Variants in IQGAP2 observed in about 807,000 individuals in gnomAD.
The protein encoded by IQGAP2 is ras GTPase-activating-like protein IQGAP2.
In IQGAP2, 173 loss-of-function variants were observed where a neutral mutation model predicts 201.3. That is an observed-to-expected ratio of 0.86 (90% CI 0.76 to 0.98). The LOEUF is 0.98. Among genes scored for constraint, IQGAP2 ranks in the 50% least tolerant of loss-of-function variants. IQGAP2 has a pLI of 0.00. For synonymous variants in IQGAP2, 675 were observed against 673.9 expected, an observed-to-expected ratio of 1.00 and a Z score of -0.03; for missense variants, 1,687 against 1,864.8, an observed-to-expected ratio of 0.90 and a Z score of 1.76.
chr5:76,665,993 C>T (rs1187493925), intron 22 of IQGAP2, among the ~76,000 whole-genome samples: 1 of 152,222 alleles, frequency 6.6e-6, no homozygotes, highest in Non-Finnish European at 1.5e-5. Context: ...TGCTGGGATT[C>T]CTTCAAAGCC....
chr5:76,532,199 T>A (rs1379659301), intron 2 of IQGAP2, among the ~76,000 whole-genome samples: 2 of 152,240 alleles, frequency 1.3e-5, no homozygotes, highest in Non-Finnish European at 2.9e-5. Flanking sequence ...GTTCATGAAG[T>A]ATGTTTCCTA....
chr5:76,672,121 A>G, intron 24 of IQGAP2, 138 bp downstream of exon 24: 1 of 649,514 alleles, frequency 1.5e-6, no homozygotes, highest in South Asian at 2.0e-5. Context: ...TCCCTTTAAC[A>G]TATCCATGCA....
At chr5:76,641,202 C>A in intron 17 of IQGAP2, 99 bp downstream of exon 17, 3 of 884,286 alleles carry the variant, frequency 3.4e-6, no homozygotes, top group East Asian at 2.6e-5. Flanking sequence ...TTCCTATAAA[C>A]AAATCTGACT....
In IQGAP2 at chr5:76,403,506, C is replaced by CG; in HGVS notation, c.-34dup. ...CGAGCCTGGCCAGCGAGGGTAGCCG[C>CG]GGGGGGCGCGCCCCGGGCGGGCCCC... is the stretch of plus-strand genomic sequence containing the variant. On this transcript the variant is annotated 5_prime_UTR_variant, in exon 1 of 36. Coordinates refer to ENST00000274364, the MANE Select transcript of IQGAP2 (RefSeq NM_006633.5). This position sits in a 1 kb window ranked among gnomAD's most constrained non-coding sequence, Gnocchi z 4.8. 7.0e-6 allele frequency: 10 copies of CG among 1,437,396 alleles called. No homozygotes were observed. The highest frequency in any genetic ancestry group is 2.5e-4 in the Middle Eastern group (1 of 4,008). 89.0% of individuals were successfully genotyped at this position (1,437,396 alleles called of 1,614,324 possible). A position where few individuals can be genotyped will look rare whatever the true frequency, so the allele number is the denominator to read the frequency against.
At chr5:76,499,886 G>A (rs1172275357) in intron 2 of IQGAP2, among the ~76,000 whole-genome samples, 1 of 152,094 alleles carries the variant, frequency 6.6e-6, no homozygotes, top group African/African-American at 2.4e-5. Context: ...CAAGAGGATT[G>A]CTTGAGCCCA....
chr5:76,706,338 G>A (rs1369685243), intron 35 of IQGAP2, among the ~76,000 whole-genome samples: 1 of 151,710 alleles, frequency 6.6e-6, no homozygotes, highest in Non-Finnish European at 1.5e-5. Context: ...TTTTGTTTTT[G>A]TTTTTGTTTT....
At chr5:76,605,229 TTTTCCC>T in intron 11 of IQGAP2, among the ~76,000 whole-genome samples, 1 of 152,174 alleles carries the variant, frequency 6.6e-6, no homozygotes, top group South Asian at 2.1e-4. Context: ...ATGAGTAAGT[TTTTCCC>T]TGAAATTTCC....
chr5:76,564,519 G>A (rs1378923991), intron 3 of IQGAP2, among the ~76,000 whole-genome samples: 3 of 152,158 alleles, frequency 2.0e-5, no homozygotes, highest in African/African-American at 4.8e-5. Context: ...TTCTCTTCCT[G>A]GAATGTTGTA....
intron 1 of IQGAP2, among the ~76,000 whole-genome samples, chr5:76,443,196 A>G (rs1319220942): frequency 6.6e-6 from 1 of 152,220 alleles, no homozygotes; most frequent in East Asian, 1.9e-4. Flanking sequence ...CGGAAAATAT[A>G]TACAAATAGT....
intron 21 of IQGAP2, among the ~76,000 whole-genome samples, chr5:76,663,482 G>A (rs1039749727): frequency 8.0e-5 from 12 of 149,514 alleles, no homozygotes; most frequent in African/African-American, 1.2e-4. Flanking sequence ...AATATGAGTC[G>A]CATGCCATTA....
intron 1 of IQGAP2, among the ~76,000 whole-genome samples, chr5:76,450,617 C>A: frequency 6.6e-6 from 1 of 152,190 alleles, no homozygotes; most frequent in Non-Finnish European, 1.5e-5. Flanking sequence ...TGTACTACTT[C>A]TATGAAACTG....
At chr5:76,622,793 C>G (rs1358022295) in intron 13 of IQGAP2, among the ~76,000 whole-genome samples, 1 of 152,110 alleles carries the variant, frequency 6.6e-6, no homozygotes, top group Non-Finnish European at 1.5e-5. Context: ...TATGTCTCAC[C>G]AAGAGGTTTA....
At chr5:76,576,719 C>T (rs1745496502) in intron 5 of IQGAP2, among the ~76,000 whole-genome samples, 1 of 152,068 alleles carries the variant, frequency 6.6e-6, no homozygotes, top group South Asian at 2.1e-4. Context: ...TGACTTTTTC[C>T]CCCAGTCAGT....
At chr5:76,547,204 AC>A (rs1743150268) in intron 2 of IQGAP2, among the ~76,000 whole-genome samples, 1 of 152,178 alleles carries the variant, frequency 6.6e-6, no homozygotes, top group Non-Finnish European at 1.5e-5. Context: ...TCCCTCATTC[AC>A]CACCTCCAAG....
At chr5:76,553,310 A>C (rs1406387698) in intron 2 of IQGAP2, among the ~76,000 whole-genome samples, 1 of 152,202 alleles carries the variant, frequency 6.6e-6, no homozygotes, top group African/African-American at 2.4e-5. Flanking sequence ...TGATTTTTAA[A>C]ATATTAAGGG....
At chr5:76,677,113 TG>T in intron 27 of IQGAP2, 104 bp from the exon 28 acceptor site, 1 of 1,122,648 alleles carries the variant, frequency 8.9e-7, no homozygotes, top group Non-Finnish European at 1.3e-6. Context: ...AGGTTTGAGA[TG>T]GGAACAAAGT....
At chr5:76,623,936 C>CTTTTTTTTTTTT (rs368076875) in intron 13 of IQGAP2, among the ~76,000 whole-genome samples, 2 of 100,782 alleles carry the variant, frequency 2.0e-5, no homozygotes, top group Non-Finnish European at 3.8e-5. Flanking sequence ...TTTGTTCAGG[C>CTTTTTTTTTTTT]TTTTTTTTTT....
At chr5:76,670,429 G>A (rs1744205982) in intron 23 of IQGAP2, among the ~76,000 whole-genome samples, 1 of 152,192 alleles carries the variant, frequency 6.6e-6, no homozygotes, top group South Asian at 2.1e-4. Context: ...CGGGAGAATG[G>A]TGTGAACCCA....
intron 1 of IQGAP2, among the ~76,000 whole-genome samples, chr5:76,438,059 T>C (rs1752820923): frequency 1.3e-5 from 2 of 149,504 alleles, no homozygotes; most frequent in African/African-American, 2.5e-5. Context: ...TTTTTTATTA[T>C]GTCCTTTTCT....
Sources: allele counts gnomAD v4.1 joint callset (sites outside exome capture counted in the v4.1 genomes callset), GRCh38; gene constraint gnomAD v4.1.1; non-coding constraint Gnocchi (gnomAD v3.1); transcripts MANE v1.5; gene names NCBI Gene and HGNC (gene_info 2026-07-23, HGNC 2026-07-21).